LRRTM3: variants seen among roughly 807,000 people sequenced by gnomAD.
The protein encoded by LRRTM3 is leucine rich repeat transmembrane neuronal 3.
A neutral mutation model predicts 44.7 loss-of-function variants in LRRTM3; 24 were observed. That is an observed-to-expected ratio of 0.54 (90% CI 0.39 to 0.76). LRRTM3 has a LOEUF of 0.76. LRRTM3 is among the 30% of genes least tolerant of loss of function. The pLI, the probability that LRRTM3 is intolerant of heterozygous loss-of-function variation, is 0.00. For missense variants in LRRTM3, 587 were observed against 702.2 expected (o/e 0.84, Z 1.85); for synonymous variants, 277 against 278.7 (o/e 0.99, Z 0.06).
At chr10:67,048,172 C>T (rs1319685191) in intron 2 of LRRTM3, among the ~76,000 whole-genome samples, 1 of 152,068 alleles carries the variant, frequency 6.6e-6, no homozygotes, top group Admixed American at 6.6e-5. Context: ...CTGCCATGTT[C>T]ATGAGGTACA....
chr10:67,090,883 G>T (rs1328034450), intron 2 of LRRTM3, among the ~76,000 whole-genome samples: 2 of 151,984 alleles, frequency 1.3e-5, no homozygotes, highest in Non-Finnish European at 2.9e-5. Context: ...GACCCAAGCT[G>T]CAGTGTGATA....
intron 2 of LRRTM3, among the ~76,000 whole-genome samples, chr10:66,971,946 T>C (rs1012441227): frequency 6.6e-6 from 1 of 152,084 alleles, no homozygotes; most frequent in Non-Finnish European, 1.5e-5. Context: ...TTCCATTCTG[T>C]AATATTTGTT....
chr10:66,960,948 A>AG (rs1849076221), intron 2 of LRRTM3, among the ~76,000 whole-genome samples: 2 of 152,168 alleles, frequency 1.3e-5, no homozygotes, highest in Non-Finnish European at 2.9e-5. Context: ...CTAGTTAATC[A>AG]CAAGGGATCC....
chr10:66,993,329 C>A (rs1851144281), intron 2 of LRRTM3, among the ~76,000 whole-genome samples: 1 of 152,100 alleles, frequency 6.6e-6, no homozygotes, highest in Non-Finnish European at 1.5e-5. Context: ...TCACTCAAAG[C>A]CACCTCTGCC....
intron 2 of LRRTM3, among the ~76,000 whole-genome samples, chr10:66,952,766 T>G (rs539922401): frequency 6.6e-6 from 1 of 152,122 alleles, no homozygotes; most frequent in Non-Finnish European, 1.5e-5. Flanking sequence ...GCTTGGTTAG[T>G]GCTTATGTCC....
intron 2 of LRRTM3, 145 bp downstream of exon 2, chr10:66,928,597 C>A: frequency 2.9e-6 from 2 of 696,988 alleles, no homozygotes; most frequent in Non-Finnish European, 4.7e-6. Context: ...CTTCCTTGTC[C>A]GTTTTAGTGC....
At chr10:67,068,633 A>G (rs892301302) in intron 2 of LRRTM3, among the ~76,000 whole-genome samples, 1 of 152,198 alleles carries the variant, frequency 6.6e-6, no homozygotes, top group Admixed American at 6.5e-5. Flanking sequence ...AGAAAATGAG[A>G]GTGACATCAG....
intron 2 of LRRTM3, among the ~76,000 whole-genome samples, chr10:66,964,655 G>A (rs1275188624): frequency 2.6e-5 from 4 of 152,090 alleles, no homozygotes; most frequent in Non-Finnish European, 5.9e-5. Context: ...CACCTTTGAT[G>A]ACCATCACAG....
intron 2 of LRRTM3, among the ~76,000 whole-genome samples, chr10:67,082,946 T>C: frequency 6.6e-6 from 1 of 152,140 alleles, no homozygotes; most frequent in Admixed American, 6.5e-5. Flanking sequence ...TAAGTGCTCA[T>C]GAGGCATTAA....
rs941828514 is a variant in LRRTM3 at position 66,966,487 on chromosome 10, T to A, written c.1536+38035T>A. 6.1e-4 allele frequency among the ~76,000 whole-genome samples: 25 copies of A among 40,736 alleles called. 1 individual carries two copies. The highest frequency in any genetic ancestry group is 1.7e-3 in the Admixed American group (5 of 3,008). 26.7% of individuals were successfully genotyped at this position (40,736 alleles called of 152,430 possible). The stretch of plus-strand genomic sequence containing the variant: ...GGGTTAACTCGGCTATGTAATATAT[T>A]TTTTTTTTCAGGATATACCTTTCAG... On this transcript the variant is annotated intron_variant, in intron 2 of 2. Transcript: ENST00000361320.
chr10:66,934,025 T>C (rs1847554188), intron 2 of LRRTM3, among the ~76,000 whole-genome samples: 1 of 152,114 alleles, frequency 6.6e-6, no homozygotes, highest in African/African-American at 2.4e-5. Flanking sequence ...TGGACGCTCT[T>C]GAGTTAGGGA....
At chr10:67,033,573 A>AT (rs1853864399) in intron 2 of LRRTM3, among the ~76,000 whole-genome samples, 1 of 152,212 alleles carries the variant, frequency 6.6e-6, no homozygotes, top group Non-Finnish European at 1.5e-5. Flanking sequence ...ATAGTGCCTA[A>AT]TATGTGCCGA....
intron 2 of LRRTM3, among the ~76,000 whole-genome samples, chr10:67,019,118 G>A (rs2133066478): frequency 6.6e-6 from 1 of 152,318 alleles, no homozygotes; most frequent in Admixed American, 6.5e-5. Context: ...AATATGGTAG[G>A]ATGATAAGGT....
Position 67,025,563 on chromosome 10 carries a change from A to G in LRRTM3, c.1537-72024A>G, listed in dbSNP as rs183574758. Among the ~76,000 whole-genome samples, 11 of 152,080 alleles carry G rather than the reference A, an allele frequency of 7.2e-5. No homozygotes were observed. The South Asian group carries it at 1.2e-3, about 17-fold the overall frequency. On this transcript the variant is annotated intron_variant, in intron 2 of 2. Transcript: ENST00000361320. ...TGTATTTTGCATCTTGTTATTTGCA[A>G]TGTTACTGAGAATAGCTCGGTTTCT...
intron 2 of LRRTM3, among the ~76,000 whole-genome samples, chr10:66,983,870 T>C (rs148495287): frequency 6.6e-6 from 1 of 152,360 alleles, no homozygotes; most frequent in Non-Finnish European, 1.5e-5. Context: ...TAATAGCTAA[T>C]GTTTTAGCAC....
chr10:66,967,571 G>A lies in LRRTM3; in HGVS notation c.1536+39119G>A, dbSNP rs547289179. ...CACCCTCTATACCTTTAAGCAGTATGCAAATGATACAACCATATGAGGCGG... is the reference window on the plus strand; with the variant it reads ...CACCCTCTATACCTTTAAGCAGTATACAAATGATACAACCATATGAGGCGG... On this transcript the variant is annotated intron_variant, in intron 2 of 2. Coordinates refer to ENST00000361320, the MANE Select transcript of LRRTM3 (RefSeq NM_178011.5). Among the ~76,000 whole-genome samples the A allele has an allele frequency of 4.6e-5, 7 of 152,020 alleles. No homozygotes were observed. The South Asian group carries it at 1.5e-3, about 32-fold the overall frequency.
chr10:67,032,362 G>A (rs893099113), intron 2 of LRRTM3, among the ~76,000 whole-genome samples: 4 of 151,992 alleles, frequency 2.6e-5, no homozygotes, highest in African/African-American at 9.7e-5. Flanking sequence ...AAGTAAATTT[G>A]CCTACTTTCC....
intron 2 of LRRTM3, among the ~76,000 whole-genome samples, chr10:67,055,201 A>C (rs1855348934): frequency 6.6e-6 from 1 of 152,138 alleles, no homozygotes; most frequent in South Asian, 2.1e-4. Flanking sequence ...TTTCCACATA[A>C]AATGTGGCAC....
intron 2 of LRRTM3, among the ~76,000 whole-genome samples, chr10:66,969,270 T>A (rs971007963): frequency 1.3e-5 from 2 of 152,138 alleles, no homozygotes; most frequent in Non-Finnish European, 2.9e-5. Context: ...TGATACTGTA[T>A]ATCAATTTTA....
Sources: gnomAD v4.1 joint callset for allele counts (sites outside exome capture counted in the v4.1 genomes callset) on GRCh38, gnomAD v4.1.1 for gene constraint, MANE v1.5 for transcripts, NCBI Gene and HGNC (gene_info 2026-07-23, HGNC 2026-07-21) for gene names.